TRIO: variants seen among roughly 807,000 people sequenced by gnomAD.
The protein encoded by TRIO is triple functional domain protein.
In TRIO, 58 loss-of-function variants were observed where a neutral mutation model predicts 351.9. The ratio of observed to expected loss-of-function variants is 0.16; its 90% CI spans 0.13 to 0.21. The LOEUF is 0.21. Among genes scored for constraint, TRIO ranks in the 10% least tolerant of loss-of-function variants. The pLI is 1.00. For missense variants in TRIO, 3,201 were observed against 4,027.8 expected (o/e 0.79, Z 5.56); for synonymous variants, 1,758 against 1,595.7 (o/e 1.10, Z -2.42).
intron 7 of TRIO, among the ~76,000 whole-genome samples, chr5:14,303,891 G>T (rs543718172): frequency 1.8e-4 from 27 of 152,132 alleles, no homozygotes; most frequent in Non-Finnish European, 3.2e-4. Context: ...TTTAATTCTG[G>T]TGTCAATTTC....
chr5:14,390,056 G>A (rs918818529), intron 25 of TRIO, among the ~76,000 whole-genome samples, 175 bp from the exon 26 acceptor site: 1 of 152,200 alleles, frequency 6.6e-6, no homozygotes, highest in Non-Finnish European at 1.5e-5. Flanking sequence ...TTGTTAGAAA[G>A]CATTTGAAGG....
chr5:14,415,720 AGG>A (rs1227072394), intron 33 of TRIO, among the ~76,000 whole-genome samples: 1 of 152,214 alleles, frequency 6.6e-6, no homozygotes. Context: ...GAAAGAATTC[AGG>A]AAAGGAACCG....
At chr5:14,272,641 A>C (rs547229982) in intron 2 of TRIO, among the ~76,000 whole-genome samples, 9 of 152,262 alleles carry the variant, frequency 5.9e-5, no homozygotes, top group African/African-American at 2.2e-4. Context: ...TTTACCACAG[A>C]TTAGTAGGAA....
At chr5:14,226,100 G>T (rs1338158830) in intron 1 of TRIO, among the ~76,000 whole-genome samples, 1 of 152,144 alleles carries the variant, frequency 6.6e-6, no homozygotes, top group African/African-American at 2.4e-5. Context: ...GGTTAATGCC[G>T]GAGCTCACAC....
chr5:14,254,446 A>G lies in TRIO; in HGVS notation c.158-16379A>G, dbSNP rs546274190. On this transcript the variant is annotated intron_variant, in intron 1 of 56. Coordinates refer to ENST00000344204, the MANE Select transcript of TRIO (RefSeq NM_007118.4). ...AGGTATAAAGGAGTCTTGGGCTTCA[A>G]ACCCTCAGAAACTGCTTGCTGCATG... Among the ~76,000 whole-genome samples, 7 of 152,312 alleles carry G rather than the reference A, an allele frequency of 4.6e-5. No homozygotes were observed. The East Asian group carries it at 9.6e-4, about 21-fold the overall frequency.
intron 16 of TRIO, among the ~76,000 whole-genome samples, chr5:14,368,019 A>G (rs1367452536): frequency 6.6e-6 from 1 of 152,202 alleles, no homozygotes; most frequent in African/African-American, 2.4e-5. Flanking sequence ...ATCTGTCCTT[A>G]GAGACCTGTG....
intron 1 of TRIO, among the ~76,000 whole-genome samples, chr5:14,144,773 C>G (rs1787395976): frequency 6.6e-6 from 1 of 151,988 alleles, no homozygotes. Flanking sequence ...GTCCCCGGTA[C>G]CCCAGCGGCG....
intron 10 of TRIO, among the ~76,000 whole-genome samples, chr5:14,335,813 C>T (rs548112276): frequency 1.3e-4 from 19 of 151,850 alleles, no homozygotes; most frequent in Admixed American, 3.9e-4. Flanking sequence ...AAAAATACAA[C>T]ATTTAGCTGG....
chr5:14,485,369 A>G (rs1755841867), intron 47 of TRIO, 123 bp downstream of exon 47: 4 of 1,024,228 alleles, frequency 3.9e-6, no homozygotes, highest in Admixed American at 6.2e-5. Flanking sequence ...CTCTTCAGGC[A>G]CTGCCTAGAT....
intron 8 of TRIO, among the ~76,000 whole-genome samples, chr5:14,306,101 A>T (rs1738345172): frequency 6.6e-6 from 1 of 150,380 alleles, no homozygotes; most frequent in Non-Finnish European, 1.5e-5. Flanking sequence ...TGTGTCCCTG[A>T]TACCACGTGA....
At chr5:14,429,800 A>G (rs188787599) in intron 34 of TRIO, among the ~76,000 whole-genome samples, 91 of 152,202 alleles carry the variant, frequency 6.0e-4, no homozygotes, top group East Asian at 4.2e-3. Flanking sequence ...TGTGCTTCCA[A>G]TGTTTGTTAG....
At chr5:14,262,046 C>T (rs1196095535) in intron 1 of TRIO, among the ~76,000 whole-genome samples, 1 of 152,108 alleles carries the variant, frequency 6.6e-6, no homozygotes, top group East Asian at 1.9e-4. Context: ...TGTAGAGTAC[C>T]ACGTGTTTGC....
At chr5:14,303,382 G>A (rs1223876277) in intron 7 of TRIO, among the ~76,000 whole-genome samples, 1 of 146,306 alleles carries the variant, frequency 6.8e-6, no homozygotes, top group Non-Finnish European at 1.5e-5. Context: ...AGCCGGGATT[G>A]GGATGGCTGC....
At chr5:14,279,693 G>A (rs771589718) in intron 2 of TRIO, among the ~76,000 whole-genome samples, 5 of 152,200 alleles carry the variant, frequency 3.3e-5, no homozygotes, top group Non-Finnish European at 7.3e-5. Context: ...TGTACTCTTA[G>A]TGTGTGATAG....
At chr5:14,358,953 A>G (rs1198130027) in intron 12 of TRIO, among the ~76,000 whole-genome samples, 1 of 152,232 alleles carries the variant, frequency 6.6e-6, no homozygotes, top group African/African-American at 2.4e-5. Flanking sequence ...AGAGGCAGGC[A>G]GCAGTTACTT....
chr5:14,284,119 CTTTCTTCCTCT>C (rs1736239932), intron 3 of TRIO, among the ~76,000 whole-genome samples: 1 of 152,146 alleles, frequency 6.6e-6, no homozygotes, highest in Admixed American at 6.5e-5. Flanking sequence ...TAAGAAGATA[CTTTCTTCCTCT>C]AGGAACGAAA....
At chr5:14,408,195 G>C (rs1464058981) in intron 33 of TRIO, among the ~76,000 whole-genome samples, 4 of 152,220 alleles carry the variant, frequency 2.6e-5, no homozygotes, top group African/African-American at 7.2e-5. Context: ...TCCCAGACTG[G>C]CCTTTTCTCA....
intron 53 of TRIO, 30 bp downstream of exon 53, chr5:14,498,670 G>T: frequency 6.2e-7 from 1 of 1,602,034 alleles, no homozygotes; most frequent in South Asian, 1.1e-5. Context: ...GATTCTACGT[G>T]ACCCAGTGGG....
rs551963496 is a variant in TRIO, at chr5:14,445,334, G to A, written c.5204-15685G>A. Among the ~76,000 whole-genome samples the A allele has an allele frequency of 8.5e-5, 13 of 152,156 alleles. No individual in the cohort carries two copies. In the East Asian group the frequency reaches 1.2e-3, roughly 14 times the overall value. On this transcript the variant is annotated intron_variant, in intron 34 of 56. Transcript: ENST00000344204. ...AATATGAGCAAACCACATACCCCCC[G>A]CCAAATATCTAGTTTCTCTGAAACT...
Sources: gnomAD v4.1 joint callset for allele counts (sites outside exome capture counted in the v4.1 genomes callset) on GRCh38, gnomAD v4.1.1 for gene constraint, MANE v1.5 for transcripts, NCBI Gene and HGNC (gene_info 2026-07-23, HGNC 2026-07-21) for gene names.